Variants in POLN observed in about 807,000 individuals in gnomAD.
The protein encoded by POLN is DNA polymerase N.
A neutral mutation model predicts 113.5 loss-of-function variants in POLN; 108 were observed. The ratio of observed to expected loss-of-function variants is 0.95; its 90% CI spans 0.81 to 1.12. The LOEUF is 1.12. POLN is among the 50% of genes most tolerant of loss of function. The pLI is 0.00. For synonymous variants in POLN, 386 were observed against 391.5 expected, an observed-to-expected ratio of 0.99 and a Z score of 0.17; for missense variants, 1,097 against 1,077.1, an observed-to-expected ratio of 1.02 and a Z score of -0.26.
chr4:2,234,906 C>T (rs1734704506), intron 2 of POLN, among the ~76,000 whole-genome samples: 1 of 152,100 alleles, frequency 6.6e-6, no homozygotes, highest in Non-Finnish European at 1.5e-5. Context: ...TCTTTTTTGA[C>T]ACCAAGTCTT....
At position 2,174,700 on chromosome 4, in the gene POLN, T is replaced by C. The variant is rs771257123; in HGVS notation, c.1300A>G (p.Ile434Val). The C allele has an allele frequency of 3.7e-6, 6 of 1,608,918 alleles. No homozygotes were observed. Among genetic ancestry groups the C allele is most frequent in the Non-Finnish European group, 5.1e-6 (6 of 1,175,610 alleles). ...FRTLELPLIP[I>V]LAVMESHAIQ... is the part of the protein sequence containing the mutation. ...CTTTATGGTAACTTACCTGCCAAAA[T>C]TGGTATCAGAGGAAGCTCCAAAGTA... The change falls in exon 10 of 26, where the codon ATT becomes GTT. Residue 434 changes from isoleucine to valine, a missense_variant. By Grantham distance (29) the Ile-to-Val change is conservative (BLOSUM62 3). Coordinates refer to ENST00000511885, the MANE Select transcript of POLN (RefSeq NM_181808.4).
At chr4:2,214,564 C>T (rs1734068089) in intron 3 of POLN, among the ~76,000 whole-genome samples, 1 of 151,740 alleles carries the variant, frequency 6.6e-6, no homozygotes, top group Non-Finnish European at 1.5e-5. Flanking sequence ...AACAGAAAAC[C>T]CAAAGAGGAA....
chr4:2,236,588 G>T lies in POLN; in HGVS notation c.-13+4932C>A, dbSNP rs1023832111. 127 of 656,088 alleles carry T rather than the reference G, an allele frequency of 1.9e-4. 1 individual carries two copies. Among genetic ancestry groups the T allele is most frequent in the Non-Finnish European group, 3.0e-4 (114 of 382,084 alleles). 40.6% of individuals were successfully genotyped at this position (656,088 alleles called of 1,614,324 possible). A position where few individuals can be genotyped will look rare whatever the true frequency, so the allele number is the denominator to read the frequency against. The stretch of plus-strand genomic sequence containing the variant: ...CTTATAAAAATATTGGCCGGGTACA[G>T]TAGCTCACGCCTGTAATCCTAGCAC... On this transcript the variant is annotated intron_variant, in intron 2 of 25. Transcript: ENST00000511885.
intron 7 of POLN, among the ~76,000 whole-genome samples, chr4:2,190,831 C>A (rs1344638563): frequency 6.6e-6 from 1 of 152,138 alleles, no homozygotes; most frequent in Non-Finnish European, 1.5e-5. Flanking sequence ...TATCATCTCA[C>A]CCCAATTTAA....
chr4:2,129,423 T>C (rs1731666587), intron 17 of POLN, among the ~76,000 whole-genome samples, 167 bp from the exon 18 acceptor site: 3 of 152,224 alleles, frequency 2.0e-5, no homozygotes, highest in African/African-American at 7.2e-5. Context: ...GGGTCTCACT[T>C]TGTTGCCCAG....
chr4:2,083,479 T>C (rs941504626), intron 21 of POLN, among the ~76,000 whole-genome samples: 4 of 152,230 alleles, frequency 2.6e-5, no homozygotes, highest in African/African-American at 9.6e-5. Flanking sequence ...TGGTTCTTCA[T>C]GGTGGGTGCA....
intron 20 of POLN, chr4:2,090,583 C>T: frequency 2.2e-6 from 1 of 460,928 alleles, no homozygotes; most frequent in South Asian, 2.5e-5. Context: ...ATCTTCATCG[C>T]AGTCACAGCC....
intron 24 of POLN, among the ~76,000 whole-genome samples, chr4:2,074,738 G>A (rs1177802923): frequency 1.3e-5 from 2 of 152,140 alleles, no homozygotes; most frequent in South Asian, 2.1e-4. Context: ...CTCCCAACAC[G>A]TGAAGCTGCC....
chr4:2,221,602 A>C (rs192398039), intron 3 of POLN, among the ~76,000 whole-genome samples: 7 of 151,604 alleles, frequency 4.6e-5, no homozygotes, highest in Admixed American at 4.6e-4. Context: ...TTTGAAACAG[A>C]GTCTCATCCT....
chr4:2,110,163 C>T (rs1351728336), intron 19 of POLN, among the ~76,000 whole-genome samples: 1 of 152,128 alleles, frequency 6.6e-6, no homozygotes, highest in Non-Finnish European at 1.5e-5. Flanking sequence ...GAAATGAAGG[C>T]AGAAATAAAG....
rs148009246 is a variant in POLN at position 2,241,735 on chromosome 4, G to A, written c.-228C>T. The stretch of plus-strand genomic sequence containing the variant: ...GCCCCAAGGCCGCGATACACCAGAC[G>A]CGCCAGCGGCAAAACCTTCCTTCGG... On this transcript the variant is annotated 5_prime_UTR_variant, in exon 2 of 26. Transcript: ENST00000511885. 5,377 of 985,508 alleles carry A rather than the reference G, an allele frequency of 5.5e-3. 20 individuals carry two copies. Among genetic ancestry groups the A allele is most frequent in the Non-Finnish European group, 6.2e-3 (5,166 of 829,958 alleles). The allele number at this position is 985,508 out of a possible 1,614,324, so 61.0% of individuals were successfully genotyped here. A position where few individuals can be genotyped will look rare whatever the true frequency, so the allele number is the denominator to read the frequency against.
At chr4:2,195,482 A>T (rs1184018302) in intron 6 of POLN, among the ~76,000 whole-genome samples, 2 of 148,766 alleles carry the variant, frequency 1.3e-5, no homozygotes, top group African/African-American at 5.0e-5. Context: ...TAGCTTGGTA[A>T]TTCTTTTTTT....
Position 2,085,727 on chromosome 4 carries a change from C to G in POLN, c.2083G>C (p.Ala695Pro), listed in dbSNP as rs751229945. Residue 695 changes from alanine to proline, a missense_variant, in exon 21 of 26, where the codon GCT becomes CCT. Coordinates refer to ENST00000511885, the MANE Select transcript of POLN (RefSeq NM_181808.4). ...TCCTGAATAGGAACTCCAAGGCAAG[C>G]AGCCAGCCGCTCCTTCCCTGTCAGT... Reference protein sequence around the residue: ...VYGAGKERLAACLGVPIQEAA... With the variant: ...VYGAGKERLAPCLGVPIQEAA... The G allele has an allele frequency of 9.9e-6, 16 of 1,613,664 alleles. No homozygotes were observed. The highest frequency in any genetic ancestry group is 1.4e-5 in the Non-Finnish European group (16 of 1,180,040).
At chr4:2,072,446 T>A (rs1366044901) in intron 25 of POLN, 147 bp from the exon 26 acceptor site, 1 of 682,788 alleles carries the variant, frequency 1.5e-6, no homozygotes, top group African/African-American at 1.8e-5. Context: ...CACATGTGCA[T>A]ACACGTGCAC....
At chr4:2,082,054 A>C (rs1730434855) in intron 21 of POLN, among the ~76,000 whole-genome samples, 1 of 143,032 alleles carries the variant, frequency 7.0e-6, no homozygotes, top group Non-Finnish European at 1.5e-5. Flanking sequence ...TTCTGGGTTT[A>C]AGCAATTCTC....
chr4:2,106,137 C>T (rs1033228753), intron 19 of POLN, among the ~76,000 whole-genome samples: 2 of 151,642 alleles, frequency 1.3e-5, no homozygotes, highest in African/African-American at 4.8e-5. Flanking sequence ...CTTTAAAATG[C>T]AAGTCTTCAT....
chr4:2,089,454 G>A (rs1431045449), intron 20 of POLN: 20 of 1,407,854 alleles, frequency 1.4e-5, no homozygotes, highest in Admixed American at 4.8e-5. Context: ...GGCTTATATT[G>A]TTTTCTTTGT....
At chr4:2,116,552 A>T (rs1327067482) in intron 19 of POLN, among the ~76,000 whole-genome samples, 1 of 18,854 alleles carries the variant, frequency 5.3e-5, no homozygotes, top group East Asian at 2.2e-3. Context: ...ATTACCAATT[A>T]AAAAAAAAAA....
chr4:2,080,916 TA>T (rs773831941), intron 23 of POLN, 41 bp downstream of exon 23: 61 of 1,613,220 alleles, frequency 3.8e-5, no homozygotes, highest in Middle Eastern at 3.3e-4. Flanking sequence ...CACAGAATAC[TA>T]ACCCTCCCAT....
Sources: allele counts gnomAD v4.1 joint callset (sites outside exome capture counted in the v4.1 genomes callset), GRCh38; gene constraint gnomAD v4.1.1; transcripts MANE v1.5; gene names NCBI Gene and HGNC (gene_info 2026-07-23, HGNC 2026-07-21).